Variants in PDE1C observed in about 807,000 individuals in gnomAD.
PDE1C encodes phosphodiesterase 1C.
Under a neutral mutation model 93.1 loss-of-function variants are expected in PDE1C, and 62 were observed. That is an observed-to-expected ratio of 0.67 (90% confidence interval 0.54 to 0.82). The LOEUF is 0.82. Among genes scored for constraint, PDE1C ranks in the 40% least tolerant of loss-of-function variants. The pLI is 0.00. For synonymous variants in PDE1C, 325 were observed against 310.1 expected, an observed-to-expected ratio of 1.05 and a Z score of -0.50; for missense variants, 742 against 884.6, an observed-to-expected ratio of 0.84 and a Z score of 2.04.
intron 3 of PDE1C, among the ~76,000 whole-genome samples, chr7:32,168,923 G>A (rs1300885922): frequency 9.2e-5 from 14 of 152,078 alleles, no homozygotes; most frequent in Non-Finnish European, 2.9e-5. Context: ...TTGTTTATGG[G>A]GAGAGAAAAA....
At chr7:32,303,209 T>C (rs1041575068), upstream of PDE1C, among the ~76,000 whole-genome samples, 2 of 152,176 alleles carry the variant, frequency 1.3e-5, no homozygotes, top group East Asian at 3.9e-4. Context: ...TACTATACAG[T>C]AGTCCCTTTT....
intron 2 of PDE1C, among the ~76,000 whole-genome samples, chr7:32,201,836 C>G (rs1162127125): frequency 6.6e-6 from 1 of 152,228 alleles, no homozygotes; most frequent in Non-Finnish European, 1.5e-5. Flanking sequence ...GTGGCTCTCT[C>G]TTGTTCATCC....
chr7:32,322,871 C>T (rs1243811367), intron 1 of PDE1C, among the ~76,000 whole-genome samples: 1 of 152,128 alleles, frequency 6.6e-6, no homozygotes, highest in African/African-American at 2.4e-5. Flanking sequence ...CTTGGCCTCC[C>T]AAAGTGCTGG....
rs535371478 is a variant in PDE1C, at chr7:31,950,020, A to T, written c.129-69160T>A. Among the ~76,000 whole-genome samples the T allele has an allele frequency of 5.3e-5, 8 of 152,366 alleles. No individual in the cohort carries two copies. In the East Asian group the frequency reaches 1.2e-3, roughly 22 times the overall value. On this transcript the variant is annotated intron_variant, in intron 2 of 17. Coordinates refer to ENST00000396191, the MANE Select transcript of PDE1C (RefSeq NM_001191057.4). ...GCAAGTATAATTTTTCAGCTTTCAC[A>T]GAAGAAGTACATATCCTTCTATTCT...
At chr7:31,787,299 G>A (rs141377746) in intron 16 of PDE1C, 4 of 152,190 alleles carry the variant, frequency 2.6e-5, no homozygotes, top group East Asian at 1.9e-4. Flanking sequence ...AAATGTTTTC[G>A]GTAGTTTATA....
At chr7:31,843,070 C>G (rs1218873673) in intron 9 of PDE1C, among the ~76,000 whole-genome samples, 2 of 151,774 alleles carry the variant, frequency 1.3e-5, no homozygotes, top group Non-Finnish European at 2.9e-5. Flanking sequence ...TAATTTAAAT[C>G]CATTAAGGTC....
At chr7:31,763,679 A>G (rs1377229906) in intron 17 of PDE1C, among the ~76,000 whole-genome samples, 1 of 152,228 alleles carries the variant, frequency 6.6e-6, no homozygotes, top group African/African-American at 2.4e-5. Flanking sequence ...ACAGTACACA[A>G]TGCCCAGAAT....
chr7:31,710,930 T>C, the PDE1C span, among the ~76,000 whole-genome samples: 1 of 152,182 alleles, frequency 6.6e-6, no homozygotes, highest in Non-Finnish European at 1.5e-5. Context: ...AATGTATTTA[T>C]GGGGAAAACA....
intron 1 of PDE1C, among the ~76,000 whole-genome samples, chr7:32,333,758 T>C (rs1783558131): frequency 2.0e-5 from 3 of 152,250 alleles, no homozygotes; most frequent in Admixed American, 2.0e-4. Context: ...GTGCCTGGTA[T>C]ATACTAAGAC....
chr7:32,099,219 C>A (rs976439421), intron 3 of PDE1C, among the ~76,000 whole-genome samples: 1 of 151,992 alleles, frequency 6.6e-6, no homozygotes, highest in African/African-American at 2.4e-5. Flanking sequence ...ATAAGCCAGA[C>A]CCCAAAAATA....
At chr7:32,257,953 T>A (rs1368735762) in intron 1 of PDE1C, among the ~76,000 whole-genome samples, 1 of 152,272 alleles carries the variant, frequency 6.6e-6, no homozygotes, top group Non-Finnish European at 1.5e-5. Flanking sequence ...CATAGCAGGT[T>A]ACATGCTGTC....
Position 32,199,515 on chromosome 7 carries a change from T to C in PDE1C, c.136+9974A>G, listed in dbSNP as rs1402686180. On this transcript the variant is annotated intron_variant, in intron 2 of 18. Transcript: ENST00000396193. ...ACATTTTGGATAGTCTCCTCAGATATATATTTCTTCTGGTTCATTATCTCT... is the reference window on the plus strand; with the variant it reads ...ACATTTTGGATAGTCTCCTCAGATACATATTTCTTCTGGTTCATTATCTCT... 3.3e-5 allele frequency among the ~76,000 whole-genome samples: 5 copies of C among 152,226 alleles called. No homozygotes were observed. In the South Asian group the frequency reaches 8.3e-4, roughly 25 times the overall value.
At chr7:32,387,845 C>T (rs1159003407) in intron 1 of PDE1C, among the ~76,000 whole-genome samples, 5 of 119,688 alleles carry the variant, frequency 4.2e-5, no homozygotes, top group African/African-American at 1.9e-4. Flanking sequence ...GGGCGGCTGG[C>T]CGGGCAGGGG....
At chr7:31,797,099 C>T (rs1413291653) in intron 16 of PDE1C, among the ~76,000 whole-genome samples, 2 of 151,764 alleles carry the variant, frequency 1.3e-5, no homozygotes, top group Admixed American at 6.6e-5. Flanking sequence ...TATTAATGTT[C>T]CACATGACAT....
the PDE1C span, among the ~76,000 whole-genome samples, chr7:31,692,755 AAGAG>A: frequency 3.9e-5 from 6 of 152,058 alleles, no homozygotes; most frequent in East Asian, 1.9e-4. Context: ...GAGAGAGAGA[AAGAG>A]AGAGAGAGGA....
chr7:31,735,975 T>C, the PDE1C span, among the ~76,000 whole-genome samples: 1 of 152,222 alleles, frequency 6.6e-6, no homozygotes, highest in Non-Finnish European at 1.5e-5. Context: ...AGAATACTTA[T>C]AATACCTAAT....
At chr7:31,846,233 C>CTTTTTTTTTTTT (rs371624212) in intron 9 of PDE1C, among the ~76,000 whole-genome samples, 2 of 129,962 alleles carry the variant, frequency 1.5e-5, no homozygotes, top group Non-Finnish European at 3.3e-5. Flanking sequence ...CTTTTTTTTT[C>CTTTTTTTTTTTT]TTTTTTTTTT....
At chr7:31,790,318 C>G in intron 16 of PDE1C, 1 of 1,477,348 alleles carries the variant, frequency 6.8e-7, no homozygotes, top group Non-Finnish European at 9.4e-7. Context: ...CCGCCCACCT[C>G]CACCCTCCAA....
intron 15 of PDE1C, 149 bp from the exon 16 acceptor site, chr7:31,809,257 C>T: frequency 1.8e-6 from 1 of 542,040 alleles, no homozygotes; most frequent in Non-Finnish European, 3.3e-6. Flanking sequence ...CTTTTGTAAT[C>T]ACGTTAGGTC....
Sources: gnomAD v4.1 joint callset for allele counts (sites outside exome capture counted in the v4.1 genomes callset) on GRCh38, gnomAD v4.1.1 for gene constraint, MANE v1.5 for transcripts, NCBI Gene and HGNC (gene_info 2026-07-23, HGNC 2026-07-21) for gene names.